The following OPCML variants were observed in gnomAD, a reference collection of about 807,000 sequenced individuals.
The protein encoded by OPCML is opioid-binding protein/cell adhesion molecule.
In OPCML, 13 loss-of-function variants were observed where a neutral mutation model predicts 37.8. The observed-to-expected ratio is 0.34, with a 90% confidence interval of 0.22 to 0.55. OPCML has a LOEUF of 0.55. Ranked by LOEUF, OPCML falls within the 20% of genes least tolerant of loss-of-function variation. The pLI is 0.91. For missense variants in OPCML, 341 were observed against 435.6 expected (o/e 0.78, Z 1.93); for synonymous variants, 176 against 168.8 (o/e 1.04, Z -0.33).
intron 1 of OPCML, among the ~76,000 whole-genome samples, chr11:132,999,742 T>G (rs1420473053): frequency 1.3e-5 from 2 of 152,162 alleles, no homozygotes; most frequent in Non-Finnish European, 1.5e-5. Context: ...TGTAAACAGC[T>G]GGAGTCTCTC....
intron 2 of OPCML, among the ~76,000 whole-genome samples, chr11:132,832,673 T>G (rs1940765139): frequency 6.6e-6 from 1 of 152,218 alleles, no homozygotes; most frequent in Admixed American, 6.5e-5. Flanking sequence ...TCAAATACGG[T>G]CATGTGTCAC....
At chr11:132,688,442 G>A (rs1939498) in intron 2 of OPCML, among the ~76,000 whole-genome samples, 75,021 of 151,818 alleles carry the variant, frequency 0.49, 18,650 homozygotes, top group Admixed American at 0.56. Context: ...GCTTTCCTGG[G>A]CCTCAGTTAT....
At chr11:132,633,950 A>G (rs768850343) in intron 3 of OPCML, among the ~76,000 whole-genome samples, 1 of 152,216 alleles carries the variant, frequency 6.6e-6, no homozygotes, top group Non-Finnish European at 1.5e-5. Context: ...CTCAAGGCCC[A>G]GGTTCTTCCT....
At chr11:132,793,448 C>CCTCT (rs1327545098) in intron 2 of OPCML, among the ~76,000 whole-genome samples, 1 of 152,152 alleles carries the variant, frequency 6.6e-6, no homozygotes, top group African/African-American at 2.4e-5. Flanking sequence ...CCTCTTAAGG[C>CCTCT]CTCTGATTCT....
chr11:132,918,261 C>T (rs1281074674), intron 2 of OPCML, among the ~76,000 whole-genome samples: 2 of 152,156 alleles, frequency 1.3e-5, no homozygotes, highest in Non-Finnish European at 2.9e-5. Flanking sequence ...ATATAAAGGG[C>T]ACTGATCTTA....
Position 132,986,635 on chromosome 11 carries a change from G to A in OPCML, c.62-43625C>T, listed in dbSNP as rs182856079. Among the ~76,000 whole-genome samples, 389 of 152,174 alleles carry A rather than the reference G, an allele frequency of 2.6e-3. 1 individual carries two copies. Among genetic ancestry groups the A allele is most frequent in the Non-Finnish European group, 3.8e-3 (256 of 67,998 alleles). On this transcript the variant is annotated intron_variant, in intron 1 of 7. Coordinates refer to ENST00000524381, the MANE Select transcript of OPCML (RefSeq NM_001012393.5). Reference sequence around the variant, plus strand: ...ACAAATAAATAATTTGGAAATAATTGGAAAAAATATAGAAAGTTAAGCTTG... The same window carrying A: ...ACAAATAAATAATTTGGAAATAATTAGAAAAAATATAGAAAGTTAAGCTTG...
intron 1 of OPCML, among the ~76,000 whole-genome samples, chr11:133,114,942 A>G (rs779710858): frequency 9.9e-5 from 15 of 152,236 alleles, no homozygotes; most frequent in Non-Finnish European, 2.2e-4. Context: ...AAAACTGAAG[A>G]AAACTTGAAA....
intron 2 of OPCML, among the ~76,000 whole-genome samples, chr11:132,693,005 T>A (rs1943463745): frequency 1.3e-5 from 2 of 152,184 alleles, no homozygotes; most frequent in African/African-American, 4.8e-5. Context: ...TGACTTGAGA[T>A]AGAAAATGTG....
rs894624535 is a variant in OPCML, at chr11:132,415,766, G to T, written c.*4427C>A. On this transcript the variant is annotated 3_prime_UTR_variant, in exon 8 of 8. Transcript: ENST00000524381. ...TGCACCTGAAGGCTAAATTGAACTG[G>T]CTCAGCCCTATCTTTTTTGCCACAT... The T allele has an allele frequency of 2.6e-5, 4 of 152,608 alleles. No homozygotes were observed. Among genetic ancestry groups the T allele is most frequent in the Non-Finnish European group, 4.4e-5 (3 of 68,038 alleles). The allele number at this position is 152,608 out of a possible 1,614,324, so 9.5% of individuals were successfully genotyped here.
intron 1 of OPCML, among the ~76,000 whole-genome samples, chr11:133,399,812 C>G (rs1945361919): frequency 6.6e-6 from 1 of 151,338 alleles, no homozygotes. Flanking sequence ...TGTGTCTTCC[C>G]TTTAATCCAG....
intron 1 of OPCML, among the ~76,000 whole-genome samples, chr11:133,138,770 C>T (rs1009453745): frequency 2.0e-5 from 3 of 152,078 alleles, no homozygotes; most frequent in African/African-American, 7.2e-5. Flanking sequence ...CTCTCTAAGA[C>T]CCTCAGATGG....
chr11:132,948,612 G>C (rs1412225362), intron 1 of OPCML, among the ~76,000 whole-genome samples: 1 of 152,126 alleles, frequency 6.6e-6, no homozygotes, highest in Non-Finnish European at 1.5e-5. Context: ...AGCCCTAGGA[G>C]GGACAGTCTT....
rs189523102 is a variant in OPCML, at chr11:132,943,610, G to T, written c.62-600C>A. The T allele has an allele frequency of 6.4e-6, 1 of 155,570 alleles. No individual in the cohort carries two copies. The allele number at this position is 155,570 out of a possible 1,614,324, so 9.6% of individuals were successfully genotyped here. ...AGATCACACACATGGACAGATGTACGTGTCCCCCAGCCCCAGGTCTCGCAT... is the reference window on the plus strand; with the variant it reads ...AGATCACACACATGGACAGATGTACTTGTCCCCCAGCCCCAGGTCTCGCAT... On this transcript the variant is annotated intron_variant, in intron 1 of 7. Transcript: ENST00000524381. The surrounding 1 kb of genome is among the most constrained non-coding windows in gnomAD (Gnocchi z 4.3).
intron 1 of OPCML, among the ~76,000 whole-genome samples, chr11:133,398,411 A>T (rs1945332101): frequency 6.6e-6 from 1 of 152,144 alleles, no homozygotes; most frequent in Non-Finnish European, 1.5e-5. Flanking sequence ...GGCAGTCAGG[A>T]TATCTGTCTT....
intron 3 of OPCML, among the ~76,000 whole-genome samples, chr11:132,546,104 G>A (rs1299184759): frequency 6.6e-6 from 1 of 152,082 alleles, no homozygotes; most frequent in African/African-American, 2.4e-5. Flanking sequence ...AATTCAATAA[G>A]TGAGAAATGG....
chr11:132,906,112 C>T (rs765915569), intron 2 of OPCML, among the ~76,000 whole-genome samples: 14 of 152,102 alleles, frequency 9.2e-5, no homozygotes, highest in Non-Finnish European at 1.5e-4. Flanking sequence ...TGCTGCCTTT[C>T]GACATTCTCT....
chr11:133,057,007 C>A (rs914112440), intron 1 of OPCML, among the ~76,000 whole-genome samples: 4 of 152,104 alleles, frequency 2.6e-5, no homozygotes, highest in Admixed American at 2.6e-4. Context: ...CCACACCTGG[C>A]TAATTTTGTA....
At chr11:133,483,216 GA>G (rs1947416309) in intron 1 of OPCML, among the ~76,000 whole-genome samples, 1 of 152,004 alleles carries the variant, frequency 6.6e-6, no homozygotes, top group African/African-American at 2.4e-5. Context: ...TTTGTATCTG[GA>G]AGAATGGCAA....
At chr11:132,615,025 T>A (rs1406616179) in intron 3 of OPCML, among the ~76,000 whole-genome samples, 1 of 152,238 alleles carries the variant, frequency 6.6e-6, no homozygotes, top group Non-Finnish European at 1.5e-5. Context: ...ATAATGCACA[T>A]GTATTTTATT....
Sources: gnomAD v4.1 joint callset for allele counts (sites outside exome capture counted in the v4.1 genomes callset) on GRCh38, gnomAD v4.1.1 for gene constraint, Gnocchi (gnomAD v3.1) non-coding constraint, MANE v1.5 for transcripts, NCBI Gene and HGNC (gene_info 2026-07-23, HGNC 2026-07-21) for gene names.